The following RABGEF1 variants were observed in gnomAD, a reference collection of about 807,000 sequenced individuals.
RABGEF1 encodes the protein rab5 GDP/GTP exchange factor.
In RABGEF1, 26 loss-of-function variants were observed where a neutral mutation model predicts 57.3. The ratio of observed to expected loss-of-function variants is 0.45; its 90% confidence interval spans 0.33 to 0.63. The LOEUF is 0.63. Among genes scored for constraint, RABGEF1 ranks in the 20% least tolerant of loss-of-function variants. The probability of loss-of-function intolerance (pLI) is 0.02; values close to 1 mark genes in which losing one functional copy is unlikely to be tolerated. For missense variants in RABGEF1, 464 were observed against 607.6 expected, an observed-to-expected ratio of 0.76 and a Z score of 2.48; for synonymous variants, 185 against 210.7, an observed-to-expected ratio of 0.88 and a Z score of 1.06.
rs1810515688 is a variant in RABGEF1 at position 66,783,800 on chromosome 7, A to G, written c.472A>G (p.Lys158Glu). The G allele has an allele frequency of 6.2e-7, 1 of 1,613,412 alleles. No individual in the cohort carries two copies. The highest frequency in any genetic ancestry group is 1.7e-5 in the Admixed American group (1 of 59,954). Residue 158 changes from lysine (K) to glutamate (E), a missense_variant, in exon 4 of 9, where the codon AAA (lysine) becomes GAA (glutamate). Coordinates refer to ENST00000284957, the MANE Select transcript of RABGEF1 (RefSeq NM_014504.3). ...CCACAAGACAGGCCAAGAAATCTAT[A>G]AACAGACCAAGCTGTTTTTGGAAGG... is the stretch of plus-strand genomic sequence containing the variant. Reference protein sequence around the residue: ...TFHKTGQEIYKQTKLFLEGMH... With the variant: ...TFHKTGQEIYEQTKLFLEGMH...
At position 66,805,281 on chromosome 7, in the gene RABGEF1, A is replaced by G; in HGVS notation, c.962A>G (p.Tyr321Cys). The G allele has an allele frequency of 1.2e-6, 2 of 1,614,118 alleles. No individual in the cohort carries two copies. The highest frequency in any genetic ancestry group is 1.7e-6 in the Non-Finnish European group (2 of 1,180,024). ...SADDFLPTLI[Y>C]IVLKGNPPRL... ...GATGACTTCCTCCCCACCCTCATCT[A>G]CATTGTTTTGAAGGGCAACCCCCCA... The change falls in exon 8 of 9, where the codon TAC becomes TGC. Residue 321 changes from tyrosine (Y) to cysteine (C), a missense_variant. Coordinates refer to ENST00000284957, the MANE Select transcript of RABGEF1 (RefSeq NM_014504.3).
At chr7:66,679,156 C>T (rs1344127287), upstream of RABGEF1, among the ~76,000 whole-genome samples, 2 of 152,166 alleles carry the variant, frequency 1.3e-5, no homozygotes, top group South Asian at 2.1e-4. Context: ...AACAGGTTAG[C>T]GGTGTCAGAA....
chr7:66,658,796 C>T, the RABGEF1 span, among the ~76,000 whole-genome samples: 6 of 152,060 alleles, frequency 3.9e-5, no homozygotes, highest in Admixed American at 2.0e-4. Context: ...AGTGCAGTGG[C>T]GCGATCTTGG....
At chr7:66,680,976 G>C (rs535883746), upstream of RABGEF1, among the ~76,000 whole-genome samples, 2 of 152,066 alleles carry the variant, frequency 1.3e-5, no homozygotes, top group South Asian at 4.1e-4. Context: ...CCGGCTACTC[G>C]AGAGGCTGAG....
chr7:66,654,884 G>A, the RABGEF1 span, among the ~76,000 whole-genome samples: 1 of 152,236 alleles, frequency 6.6e-6, no homozygotes, highest in African/African-American at 2.4e-5. Flanking sequence ...GCTCGTTGCC[G>A]GCATCTCCAG....
At chr7:66,775,625 GA>G (rs1297899259) in intron 3 of RABGEF1, among the ~76,000 whole-genome samples, 19 of 152,304 alleles carry the variant, frequency 1.2e-4, no homozygotes, top group African/African-American at 4.3e-4. Context: ...CAAGAGAATT[GA>G]AATAGGTACT....
upstream of RABGEF1, among the ~76,000 whole-genome samples, chr7:66,678,623 G>A (rs569887657): frequency 4.6e-5 from 7 of 151,348 alleles, no homozygotes; most frequent in African/African-American, 1.7e-4. Context: ...GGAGAGGGAT[G>A]AAGAGACAAG....
the RABGEF1 span, among the ~76,000 whole-genome samples, chr7:66,674,424 G>A: frequency 2.0e-5 from 3 of 151,960 alleles, no homozygotes; most frequent in Non-Finnish European, 4.4e-5. Flanking sequence ...CTGAGCTCAG[G>A]TGATCCACCC....
upstream of RABGEF1, among the ~76,000 whole-genome samples, chr7:66,738,834 A>G (rs1487976250): frequency 6.6e-6 from 1 of 152,100 alleles, no homozygotes; most frequent in East Asian, 1.9e-4. Context: ...TAAGAGCTTT[A>G]AAGTAAATGT....
At chr7:66,658,533 CAAAA>C in the RABGEF1 span, among the ~76,000 whole-genome samples, 1 of 75,562 alleles carries the variant, frequency 1.3e-5, no homozygotes, top group African/African-American at 5.4e-5. Context: ...ACTTCGTCTC[CAAAA>C]AAAAAAAAAA....
upstream of RABGEF1, among the ~76,000 whole-genome samples, chr7:66,737,771 T>C (rs527551443): frequency 4.1e-4 from 63 of 152,194 alleles, no homozygotes; most frequent in African/African-American, 1.3e-3. Flanking sequence ...GGTGGGAGGA[T>C]TGGTTGAGCC....
intron 2 of RABGEF1, among the ~76,000 whole-genome samples, chr7:66,717,492 T>G (rs1321850133): frequency 6.7e-6 from 1 of 149,910 alleles, no homozygotes; most frequent in Non-Finnish European, 1.5e-5. Flanking sequence ...GCGTGGTGGC[T>G]CACACCTGTA....
At chr7:66,706,360 A>G (rs1794091598) in intron 1 of RABGEF1, among the ~76,000 whole-genome samples, 1 of 152,056 alleles carries the variant, frequency 6.6e-6, no homozygotes. Flanking sequence ...AGGTCGTACG[A>G]TAGGTATGTA....
At chr7:66,738,731 CAAAAA>C (rs546724986), upstream of RABGEF1, among the ~76,000 whole-genome samples, 1 of 95,000 alleles carries the variant, frequency 1.1e-5, no homozygotes, top group Non-Finnish European at 2.0e-5. Flanking sequence ...GACTCTAACT[CAAAAA>C]AAAAAAAAAA....
chr7:66,747,797 G>A (rs368851321), intron 1 of RABGEF1, among the ~76,000 whole-genome samples: 1 of 152,032 alleles, frequency 6.6e-6, no homozygotes, highest in South Asian at 2.1e-4. Context: ...TTCTTATTGT[G>A]CTATAATTTT....
Position 66,708,468 on chromosome 7 carries a change from A to G in RABGEF1, c.-872-3699A>G, listed in dbSNP as rs35370921. 3.1e-3 allele frequency among the ~76,000 whole-genome samples: 467 copies of G among 151,898 alleles called. 2 individuals are homozygous for G. The highest frequency in any genetic ancestry group is 6.4e-3 in the Admixed American group (98 of 15,238). ...ATGCCTGGCTAATTTTTGTATTTTT[A>G]GTAGAGACGGGGTTTCACCATGTTG... On this transcript the variant is annotated intron_variant and NMD_transcript_variant, in intron 1 of 9. Transcript: ENST00000607882.
chr7:66,748,244 G>A (rs1800684566), intron 1 of RABGEF1, among the ~76,000 whole-genome samples: 2 of 152,138 alleles, frequency 1.3e-5, no homozygotes, highest in Non-Finnish European at 2.9e-5. Context: ...TTCCGTAAAA[G>A]CATTTCTCTT....
rs1428069538 is a variant in RABGEF1, at chr7:66,761,922, G to A, written c.-17-9961G>A. On this transcript the variant is annotated intron_variant, in intron 1 of 8. Coordinates refer to ENST00000284957, the MANE Select transcript of RABGEF1 (RefSeq NM_014504.3). ...AAAAATTAGCTGGGCATGGTGGCAG[G>A]CACCTATAGTACCAGTTACTTGGGA... 7.9e-5 allele frequency among the ~76,000 whole-genome samples: 12 copies of A among 151,998 alleles called. No homozygotes were observed. The East Asian group carries it at 2.1e-3, about 27-fold the overall frequency.
chr7:66,699,607 A>G (rs1792905645), intron 1 of RABGEF1, among the ~76,000 whole-genome samples: 1 of 151,896 alleles, frequency 6.6e-6, no homozygotes, highest in Non-Finnish European at 1.5e-5. Flanking sequence ...CAGAAGAATC[A>G]CTTGAACCTG....
Sources: gnomAD v4.1 joint callset for allele counts (sites outside exome capture counted in the v4.1 genomes callset) on GRCh38, gnomAD v4.1.1 for gene constraint, MANE v1.5 for transcripts, NCBI Gene and HGNC (gene_info 2026-07-23, HGNC 2026-07-21) for gene names.